PLCE1: variants seen among roughly 807,000 people sequenced by gnomAD.
PLCE1 encodes phospholipase C epsilon 1, also known as 1-phosphatidylinositol 4,5-bisphosphate phosphodiesterase epsilon-1.
Under a neutral mutation model 242.8 loss-of-function variants are expected in PLCE1, and 119 were observed. That is an observed-to-expected ratio of 0.49 (90% CI 0.42 to 0.57). The LOEUF (loss-of-function observed/expected upper bound fraction) is 0.57, where lower values mean the gene tolerates loss of function less well. Among genes scored for constraint, PLCE1 ranks in the 20% least tolerant of loss-of-function variants. PLCE1 has a pLI of 0.00. For missense variants in PLCE1, 2,441 were observed against 2,788.8 expected (o/e 0.88, Z 2.81); for synonymous variants, 945 against 1,017.4 (o/e 0.93, Z 1.35).
intron 4 of PLCE1, among the ~76,000 whole-genome samples, chr10:94,202,555 G>C (rs1432030882): frequency 6.6e-6 from 1 of 152,026 alleles, no homozygotes; most frequent in Non-Finnish European, 1.5e-5. Context: ...CATTTGTCAG[G>C]GTTTCTTCTC....
At chr10:94,093,191 C>T (rs1256958873) in intron 2 of PLCE1, among the ~76,000 whole-genome samples, 2 of 152,098 alleles carry the variant, frequency 1.3e-5, no homozygotes, top group Non-Finnish European at 2.9e-5. Flanking sequence ...GTAAAATTGC[C>T]CAGCTCCATC....
chr10:94,173,793 A>G (rs914011534), intron 4 of PLCE1, among the ~76,000 whole-genome samples: 7 of 152,196 alleles, frequency 4.6e-5, no homozygotes, highest in African/African-American at 1.2e-4. Flanking sequence ...CACTTAAACT[A>G]CTTAAGAGAA....
intron 4 of PLCE1, among the ~76,000 whole-genome samples, chr10:94,175,569 T>C (rs1265559623): frequency 6.6e-6 from 1 of 152,184 alleles, no homozygotes; most frequent in Non-Finnish European, 1.5e-5. Flanking sequence ...TTAAAAACAA[T>C]CCAATTACAC....
rs941766210 is a variant in PLCE1 at position 94,304,186 on chromosome 10, G to C, written c.5459-296G>C. On this transcript the variant is annotated intron_variant, in intron 24 of 32. Transcript: ENST00000371380. ...GACAGATGTAGCAAATATTTGCAAAGGAGTTTTTAAGTGATTTCACCTAGT... is the reference window on the plus strand; with the variant it reads ...GACAGATGTAGCAAATATTTGCAAACGAGTTTTTAAGTGATTTCACCTAGT... Among the ~76,000 whole-genome samples, 12 of 152,284 alleles carry C rather than the reference G, an allele frequency of 7.9e-5. 1 individual carries two copies. The highest frequency in any genetic ancestry group is 6.5e-4 in the Admixed American group (10 of 15,290).
intron 20 of PLCE1, chr10:94,283,190 G>A (rs1428644283): frequency 6.6e-6 from 1 of 152,578 alleles, no homozygotes; most frequent in Non-Finnish European, 1.5e-5. Context: ...ATAATATTCA[G>A]ATATATTTTA....
chr10:94,299,393 C>T (rs1430182244), intron 24 of PLCE1, among the ~76,000 whole-genome samples: 1 of 152,146 alleles, frequency 6.6e-6, no homozygotes, highest in Non-Finnish European at 1.5e-5. Flanking sequence ...CAAATCAAGG[C>T]ACAAATTGGT....
At position 94,252,352 on chromosome 10, in the gene PLCE1, G is replaced by T. The variant is rs200419008; in HGVS notation, c.3133G>T (p.Ala1045Ser). 217 of 1,613,950 alleles carry T rather than the reference G, an allele frequency of 1.3e-4. 1 individual carries two copies. In the Middle Eastern group the frequency reaches 2.0e-3, roughly 15 times the overall value. Reference sequence around the variant, plus strand: ...GTATGAAGGCCCAACTTTGGCTCACGCTGTGGAGTTGTTTGGTGGCAGACG... The same window carrying T: ...GTATGAAGGCCCAACTTTGGCTCACTCTGTGGAGTTGTTTGGTGGCAGACG... ...GRYEGPTLAH[A>S]VELFGGRRWS... The change falls in exon 9 of 33, where the codon GCT becomes TCT. Residue 1045 changes from alanine (A) to serine (S), a missense_variant. Around this residue, in one of 5 missense-constraint regions of PLCE1, gnomAD observed 1,004 missense variants for 1,322.7 expected, o/e 0.76. Transcript: ENST00000371380.
chr10:94,297,590 T>TAAAAAAAAAAAAAAAAA (rs71031568), intron 23 of PLCE1, among the ~76,000 whole-genome samples: 5 of 56,580 alleles, frequency 8.8e-5, no homozygotes, highest in East Asian at 5.6e-4. Flanking sequence ...TTTAAATTTG[T>TAAAAAAAAAAAAAAAAA]AAAAAAAAAA....
chr10:94,228,738 A>T (rs1564808337), intron 5 of PLCE1, among the ~76,000 whole-genome samples: 1 of 152,094 alleles, frequency 6.6e-6, no homozygotes, highest in Non-Finnish European at 1.5e-5. Context: ...AACCCAAATG[A>T]TCATGTCCTT....
chr10:94,198,812 C>G (rs751985771), intron 4 of PLCE1, among the ~76,000 whole-genome samples: 1 of 152,086 alleles, frequency 6.6e-6, no homozygotes. Flanking sequence ...TTTTGGGAGG[C>G]CAAGGTGGGA....
chr10:94,196,001 C>G (rs1481622838), intron 4 of PLCE1, among the ~76,000 whole-genome samples: 3 of 152,220 alleles, frequency 2.0e-5, no homozygotes, highest in East Asian at 3.9e-4. Context: ...GAGTTTGAAT[C>G]CCAGCCACAT....
At chr10:94,214,883 C>G (rs1446601426) in intron 4 of PLCE1, among the ~76,000 whole-genome samples, 2 of 152,184 alleles carry the variant, frequency 1.3e-5, no homozygotes, top group East Asian at 1.9e-4. Flanking sequence ...TCCCCTTTTC[C>G]TAAGTAGTGT....
In PLCE1 at chr10:94,064,156, C is replaced by A. The variant is rs183474135; in HGVS notation, c.1206+31904C>A. Among the ~76,000 whole-genome samples the A allele has an allele frequency of 2.4e-3, 372 of 152,250 alleles. 8 individuals carry two copies. Among genetic ancestry groups the A allele is most frequent in the Non-Finnish European group, 1.6e-4 (11 of 68,030 alleles). ...GTTTTTACACATTATTTATTTCTATCCCTGTAAAAGCTCTTTGTCTTATCT... is the reference window on the plus strand; with the variant it reads ...GTTTTTACACATTATTTATTTCTATACCTGTAAAAGCTCTTTGTCTTATCT... On this transcript the variant is annotated intron_variant, in intron 2 of 32. Coordinates refer to ENST00000371380, the MANE Select transcript of PLCE1 (RefSeq NM_016341.4).
chr10:94,070,090 G>A (rs1342211127), intron 2 of PLCE1, among the ~76,000 whole-genome samples: 1 of 152,152 alleles, frequency 6.6e-6, no homozygotes, highest in Non-Finnish European at 1.5e-5. Flanking sequence ...GTAATGTGCT[G>A]TACCCTACAG....
chr10:94,126,553 C>T (rs1419851392), intron 2 of PLCE1, among the ~76,000 whole-genome samples: 1 of 152,152 alleles, frequency 6.6e-6, no homozygotes, highest in Non-Finnish European at 1.5e-5. Flanking sequence ...ATATAAATCA[C>T]TTGTTGAGTA....
intron 3 of PLCE1, among the ~76,000 whole-genome samples, chr10:94,166,579 G>GGGGTGTGTGTGT (rs371145839): frequency 6.9e-6 from 1 of 145,856 alleles, no homozygotes; most frequent in African/African-American, 2.6e-5. Context: ...AGAGAAAAAA[G>GGGGTGTGTGTGT]GTGTGTGTGT....
intron 4 of PLCE1, 50 bp downstream of exon 4, chr10:94,171,546 T>C (rs2047979952): frequency 2.2e-6 from 3 of 1,388,584 alleles, no homozygotes; most frequent in Admixed American, 3.4e-5. Flanking sequence ...CCGTAAGTGA[T>C]TTTCAAGCAT....
intron 13 of PLCE1, among the ~76,000 whole-genome samples, chr10:94,260,172 C>T (rs115573025): frequency 3.4e-3 from 516 of 152,286 alleles, no homozygotes; most frequent in African/African-American, 0.012. Flanking sequence ...TCTTCCCTAC[C>T]TACAGACAGT....
chr10:94,101,129 G>GA (rs1307780638), intron 2 of PLCE1, among the ~76,000 whole-genome samples: 2 of 152,186 alleles, frequency 1.3e-5, no homozygotes, highest in Non-Finnish European at 2.9e-5. Context: ...GAGGCAGCGT[G>GA]AGGCTTATGA....
Sources: gnomAD v4.1 joint callset for allele counts (sites outside exome capture counted in the v4.1 genomes callset) on GRCh38, gnomAD v4.1.1 for gene constraint, gnomAD v4.1.1 regional missense constraint, MANE v1.5 for transcripts, NCBI Gene and HGNC (gene_info 2026-07-23, HGNC 2026-07-21) for gene names.